Variants in SNAI2 observed in about 807,000 individuals in gnomAD.
The protein encoded by SNAI2 is zinc finger protein SNAI2.
In SNAI2, 2 loss-of-function variants were observed where a neutral mutation model predicts 22.4. The ratio of observed to expected loss-of-function variants is 0.09; its 90% CI spans 0.04 to 0.28. The LOEUF is 0.28. Among genes scored for constraint, SNAI2 ranks in the 10% least tolerant of loss-of-function variants. The probability of loss-of-function intolerance (pLI) is 1.00; values close to 1 mark genes in which losing one functional copy is unlikely to be tolerated. For missense variants in SNAI2, 239 were observed against 320.8 expected, an observed-to-expected ratio of 0.75 and a Z score of 1.95; for synonymous variants, 134 against 123.0, an observed-to-expected ratio of 1.09 and a Z score of -0.59.
chr8:48,918,930 C>T lies in SNAI2; in HGVS notation c.684G>A (p.Leu228=), dbSNP rs1348077505. 1 of 1,614,058 alleles carries T rather than the reference C, an allele frequency of 6.2e-7. No homozygotes were observed. The highest frequency in any genetic ancestry group is 1.1e-5 in the South Asian group (1 of 91,074). The change falls in exon 3 of 3, where the codon CTG becomes CTA. Residue 228 remains leucine, a synonymous_variant. Transcript: ENST00000020945. ...CAGAATGGGTCTGCAGATGAGCCCT[C>T]AGATTTGACCTGTCTGCAAATGCTC... ...CNRAFADRSN[L]RAHLQTHSDV... is the part of the protein sequence containing the mutation.
At position 48,918,613 on chromosome 8, in the gene SNAI2, T is replaced by C. The variant is rs975888737; in HGVS notation, c.*194A>G. On this transcript the variant is annotated 3_prime_UTR_variant, in exon 3 of 3. Coordinates refer to ENST00000020945, the MANE Select transcript of SNAI2 (RefSeq NM_003068.5). Reference sequence around the variant, plus strand: ...TTTAAACTTCACATGGAAAGGATTATCTTTAAACACATGAATTCCATGCTC... The same window carrying C: ...TTTAAACTTCACATGGAAAGGATTACCTTTAAACACATGAATTCCATGCTC... 1.7e-5 allele frequency: 10 copies of C among 604,916 alleles called. No individual in the cohort carries two copies. The highest frequency in any genetic ancestry group is 1.2e-4 in the South Asian group (6 of 50,322). 37.5% of individuals were successfully genotyped at this position (604,916 alleles called of 1,614,324 possible). A position where few individuals can be genotyped will look rare whatever the true frequency, so the allele number is the denominator to read the frequency against.
At chr8:48,919,795 T>C in intron 2 of SNAI2, 101 bp downstream of exon 2, 1 of 1,233,930 alleles carries the variant, frequency 8.1e-7, no homozygotes, top group Non-Finnish European at 1.2e-6. Context: ...TGACTGTCCA[T>C]CATTAAAAGC....
chr8:48,920,415 T>C lies in SNAI2; in HGVS notation c.106A>G (p.Ser36Gly). 3.7e-6 allele frequency: 6 copies of C among 1,613,912 alleles called. No individual in the cohort carries two copies. Among genetic ancestry groups the C allele is most frequent in the Non-Finnish European group, 5.1e-6 (6 of 1,179,942 alleles). Residue 36 changes from serine (S) to glycine (G), a missense_variant, in exon 2 of 3, where the codon AGT (serine) becomes GGT (glycine). Around this residue, in one of 3 missense-constraint regions of SNAI2, gnomAD observed 183 missense variants for 190.4 expected, o/e 0.96. Coordinates refer to ENST00000020945, the MANE Select transcript of SNAI2 (RefSeq NM_003068.5). ...TVIISPYLYE[S>G]YSMPVIPQPE... ...TGTGGTATGACAGGCATGGAGTAAC[T>C]CTCATAGAGATACGGGGAAATAATC...
rs1175916832 is a variant in SNAI2, at chr8:48,920,402, G to A, written c.119C>T (p.Pro40Leu). 1.2e-6 allele frequency: 2 copies of A among 1,614,144 alleles called. No homozygotes were observed. Among genetic ancestry groups the A allele is most frequent in the Admixed American group, 3.3e-5 (2 of 60,024 alleles). ...GAGGATCTCTGGTTGTGGTATGACA[G>A]GCATGGAGTAACTCTCATAGAGATA... The part of the protein sequence containing the change: ...SPYLYESYSM[P>L]VIPQPEILSS... The change falls in exon 2 of 3, where the codon CCT becomes CTT. Residue 40 changes from proline to leucine, a missense_variant. Physicochemically the swap from Pro to Leu is moderately conservative, Grantham distance 98 (BLOSUM62 -3). Transcript: ENST00000020945.
At chr8:48,920,923 T>A (rs1806153572) in intron 1 of SNAI2, among the ~76,000 whole-genome samples, 1 of 152,206 alleles carries the variant, frequency 6.6e-6, no homozygotes, top group Non-Finnish European at 1.5e-5. Flanking sequence ...TTTCACATAC[T>A]CATTATGCAT....
chr8:48,918,665 G>T lies in SNAI2; in HGVS notation c.*142C>A. 1 of 727,830 alleles carries T rather than the reference G, an allele frequency of 1.4e-6. No homozygotes were observed. The highest frequency in any genetic ancestry group is 2.6e-5 in the East Asian group (1 of 38,744). 45.1% of individuals were successfully genotyped at this position (727,830 alleles called of 1,614,324 possible). ...TGCAGCTCTCTCTCTGTGGGTGTGT[G>T]TGTGTGTGTGTGCATATGTGTGTGT... On this transcript the variant is annotated 3_prime_UTR_variant, in exon 3 of 3. Transcript: ENST00000020945.
chr8:48,920,067 C>A lies in SNAI2; in HGVS notation c.454G>T (p.Asp152Tyr). ...CTGAAAGATTTTCTAGACTGGGCATCGCAGTGCAGCTGCTTATGTTTGGCC... is the reference window on the plus strand; with the variant it reads ...CTGAAAGATTTTCTAGACTGGGCATAGCAGTGCAGCTGCTTATGTTTGGCC... ...GLAKHKQLHCDAQSRKSFSCK... is the reference protein window; with the variant it reads ...GLAKHKQLHCYAQSRKSFSCK... Residue 152 changes from aspartate to tyrosine, a missense_variant, in exon 2 of 3, where the codon GAT becomes TAT. Asp to Tyr is a radical substitution (Grantham distance 160). Coordinates refer to ENST00000020945, the MANE Select transcript of SNAI2 (RefSeq NM_003068.5). The A allele has an allele frequency of 6.2e-7, 1 of 1,614,166 alleles. No homozygotes were observed. Among genetic ancestry groups the A allele is most frequent in the Non-Finnish European group, 8.5e-7 (1 of 1,180,034 alleles).
chr8:48,920,115 T>A lies in SNAI2; in HGVS notation c.406A>T (p.Thr136Ser), dbSNP rs750615415. ...GCCAGCCCAGAAAAAGTTGAATAGG[T>A]CTTATTGCATAAATTGCACTGAAAC... is the stretch of plus-strand genomic sequence containing the variant. ...EKFQCNLCNK[T>S]YSTFSGLAKH... The change falls in exon 2 of 3, where the codon ACC becomes TCC. Residue 136 changes from threonine (T) to serine (S), a missense_variant. Transcript: ENST00000020945. 6.2e-7 allele frequency: 1 copy of A among 1,614,078 alleles called. No individual in the cohort carries two copies. The highest frequency in any genetic ancestry group is 8.5e-7 in the Non-Finnish European group (1 of 1,180,036).
Position 48,920,030 on chromosome 8 carries a change from C to G in SNAI2, c.491G>C (p.Cys164Ser). 1 of 1,614,202 alleles carries G rather than the reference C, an allele frequency of 6.2e-7. No homozygotes were observed. Among genetic ancestry groups the G allele is most frequent in the Non-Finnish European group, 8.5e-7 (1 of 1,180,040 alleles). ...GCCCAGGCTCACATATTCCTTGTCA[C>G]AGTATTTACAGCTGAAAGATTTTCT... ...QSRKSFSCKYCDKEYVSLGAL... is the reference protein window; with the variant it reads ...QSRKSFSCKYSDKEYVSLGAL... Residue 164 changes from cysteine to serine, a missense_variant, in exon 2 of 3, where the codon TGT (cysteine) becomes TCT (serine). Transcript: ENST00000020945.
intron 2 of SNAI2, among the ~76,000 whole-genome samples, chr8:48,919,622 C>T (rs1806131519): frequency 6.6e-6 from 1 of 152,214 alleles, no homozygotes; most frequent in Non-Finnish European, 1.5e-5. Flanking sequence ...CACATTCAAG[C>T]ACATCTTTCC....
At position 48,920,264 on chromosome 8, in the gene SNAI2, A is replaced by G. The variant is rs186986959; in HGVS notation, c.257T>C (p.Val86Ala). Residue 86 changes from valine to alanine, a missense_variant, in exon 2 of 3, where the codon GTG (valine) becomes GCG (alanine). Physicochemically the swap from Val to Ala is moderately conservative, Grantham distance 64. Transcript: ENST00000020945. ...GGTGTCAGATGGAGGAGGGGGACTCACTCGCCCCAAAGATGAGGAGTATCC... is the reference window on the plus strand; with the variant it reads ...GGTGTCAGATGGAGGAGGGGGACTCGCTCGCCCCAAAGATGAGGAGTATCC... ...LSGYSSSLGR[V>A]SPPPPSDTSS... 5.6e-6 allele frequency: 9 copies of G among 1,613,736 alleles called. No homozygotes were observed. Among genetic ancestry groups the G allele is most frequent in the Non-Finnish European group, 2.5e-6 (3 of 1,179,852 alleles).
chr8:48,920,582 G>A, intron 1 of SNAI2, 141 bp from the exon 2 acceptor site: 2 of 760,132 alleles, frequency 2.6e-6, no homozygotes, highest in Non-Finnish European at 2.2e-6. Context: ...ATTTAGGAGG[G>A]CATACACACT....
In SNAI2 at chr8:48,918,827, C is replaced by A; in HGVS notation, c.787G>T (p.Gly263Cys). Residue 263 changes from glycine to cysteine, a missense_variant, in exon 3 of 3, where the codon GGC becomes TGC. Physicochemically the swap from Gly to Cys is radical, Grantham distance 159. Coordinates refer to ENST00000020945, the MANE Select transcript of SNAI2 (RefSeq NM_003068.5). ...GTCACTCAGTGTGCTACACAGCAGC[C>A]AGATTCCTCATGTTTGTGCAGGAGA... ...MSLLHKHEES[G>C]CCVAH is the part of the protein sequence containing the mutation. The A allele has an allele frequency of 6.2e-7, 1 of 1,614,128 alleles. No homozygotes were observed. Among genetic ancestry groups the A allele is most frequent in the South Asian group, 1.1e-5 (1 of 91,072 alleles).
Position 48,918,802 on chromosome 8 carries a change from G to C in SNAI2, c.*5C>G. ...TTCTGTTCGAGTAAACATTGATTGCGTCACTCAGTGTGCTACACAGCAGCC... is the reference window on the plus strand; with the variant it reads ...TTCTGTTCGAGTAAACATTGATTGCCTCACTCAGTGTGCTACACAGCAGCC... On this transcript the variant is annotated 3_prime_UTR_variant, in exon 3 of 3. Coordinates refer to ENST00000020945, the MANE Select transcript of SNAI2 (RefSeq NM_003068.5). 1 of 1,613,688 alleles carries C rather than the reference G, an allele frequency of 6.2e-7. No individual in the cohort carries two copies. The highest frequency in any genetic ancestry group is 8.5e-7 in the Non-Finnish European group (1 of 1,179,606).
At chr8:48,919,180 T>C (rs535208910) in intron 2 of SNAI2, among the ~76,000 whole-genome samples, 192 bp from the exon 3 acceptor site, 1 of 152,214 alleles carries the variant, frequency 6.6e-6, no homozygotes, top group African/African-American at 2.4e-5. Flanking sequence ...ATATTGCATT[T>C]AAAAATCATA....
At chr8:48,919,857 A>T in intron 2 of SNAI2, 39 bp downstream of exon 2, 1 of 1,597,470 alleles carries the variant, frequency 6.3e-7, no homozygotes, top group Non-Finnish European at 8.6e-7. Flanking sequence ...GCTTCATTGT[A>T]TCTCAGAGTA....
chr8:48,918,717 G>T lies in SNAI2; in HGVS notation c.*90C>A. 1.5e-6 allele frequency: 2 copies of T among 1,357,368 alleles called. No individual in the cohort carries two copies. Among genetic ancestry groups the T allele is most frequent in the Non-Finnish European group, 2.1e-6 (2 of 948,720 alleles). The allele number at this position is 1,357,368 out of a possible 1,614,324, so 84.1% of individuals were successfully genotyped here. On this transcript the variant is annotated 3_prime_UTR_variant, in exon 3 of 3. Coordinates refer to ENST00000020945, the MANE Select transcript of SNAI2 (RefSeq NM_003068.5). ...TCTATACATATTATTTGGTTGGTCA[G>T]CACAGGAGAAAATGCCTTTGGACTT...
intron 2 of SNAI2, 32 bp downstream of exon 2, chr8:48,919,864 A>G (rs746487002): frequency 1.9e-6 from 3 of 1,604,624 alleles, no homozygotes; most frequent in South Asian, 2.2e-5. Flanking sequence ...TGTATCTCAG[A>G]GTAACATTCC....
rs779831481 is a variant in SNAI2, at chr8:48,920,408, G to C, written c.113C>G (p.Ser38Cys). Residue 38 changes from serine to cysteine, a missense_variant, in exon 2 of 3, where the codon TCC becomes TGC. Around this residue, in one of 3 missense-constraint regions of SNAI2, gnomAD observed 183 missense variants for 190.4 expected, o/e 0.96. Coordinates refer to ENST00000020945, the MANE Select transcript of SNAI2 (RefSeq NM_003068.5). ...IISPYLYESY[S>C]MPVIPQPEIL... The stretch of plus-strand genomic sequence containing the variant: ...CTCTGGTTGTGGTATGACAGGCATG[G>C]AGTAACTCTCATAGAGATACGGGGA... 3 of 1,614,138 alleles carry C rather than the reference G, an allele frequency of 1.9e-6. No individual in the cohort carries two copies. In the South Asian group the frequency reaches 3.3e-5, roughly 18 times the overall value.
Sources: allele counts gnomAD v4.1 joint callset (sites outside exome capture counted in the v4.1 genomes callset), GRCh38; gene constraint gnomAD v4.1.1; regional missense constraint gnomAD v4.1.1; transcripts MANE v1.5; gene names NCBI Gene and HGNC (gene_info 2026-07-23, HGNC 2026-07-21).